Variants in UVRAG observed in about 807,000 individuals in gnomAD.
UVRAG encodes the protein UV radiation resistance-associated gene protein.
In UVRAG, 19 loss-of-function variants were observed where a neutral mutation model predicts 78.0. The ratio of observed to expected loss-of-function variants is 0.24; its 90% CI spans 0.17 to 0.36. The LOEUF is 0.36. Ranked by LOEUF, UVRAG falls within the 10% of genes least tolerant of loss-of-function variation. The pLI is 1.00. For synonymous variants in UVRAG, 323 were observed against 324.6 expected (o/e 1.00, Z 0.05); for missense variants, 740 against 853.8 (o/e 0.87, Z 1.66).
chr11:75,839,862 TAG>T (rs1555071898), intron 1 of UVRAG, among the ~76,000 whole-genome samples: 13 of 148,772 alleles, frequency 8.7e-5, no homozygotes, highest in Admixed American at 1.3e-4. Flanking sequence ...CATATATATA[TAG>T]AGAGAGAGAG....
chr11:75,894,246 C>T (rs370022899), intron 5 of UVRAG, among the ~76,000 whole-genome samples: 1 of 151,840 alleles, frequency 6.6e-6, no homozygotes, highest in African/African-American at 2.4e-5. Flanking sequence ...TGGTGAGCAA[C>T]GTGGAAAAAG....
intron 14 of UVRAG, among the ~76,000 whole-genome samples, chr11:76,136,285 G>A (rs1422702343): frequency 6.6e-6 from 1 of 151,982 alleles, no homozygotes; most frequent in Non-Finnish European, 1.5e-5. Context: ...TATGCATTAT[G>A]TTTTTATACG....
chr11:75,815,582 C>A, intron 1 of UVRAG, 58 bp downstream of exon 1: 1 of 1,105,888 alleles, frequency 9.0e-7, no homozygotes, highest in Non-Finnish European at 1.1e-6. Flanking sequence ...GCGTGGAGAG[C>A]TTGCTGGCTC....
chr11:75,984,594 C>T (rs763350985), intron 8 of UVRAG, among the ~76,000 whole-genome samples: 2 of 152,090 alleles, frequency 1.3e-5, no homozygotes, highest in African/African-American at 2.4e-5. Flanking sequence ...GCAAACATAC[C>T]CATGTGAGCA....
At chr11:75,945,294 G>T (rs758950574) in intron 6 of UVRAG, among the ~76,000 whole-genome samples, 11 of 152,030 alleles carry the variant, frequency 7.2e-5, no homozygotes, top group Non-Finnish European at 1.0e-4. Context: ...GTCTGTTACT[G>T]AAGGCCTCTA....
At chr11:75,878,715 G>C (rs890505297) in intron 3 of UVRAG, among the ~76,000 whole-genome samples, 21 of 152,308 alleles carry the variant, frequency 1.4e-4, no homozygotes, top group African/African-American at 4.3e-4. Context: ...ATGAAAACCA[G>C]TCAGGCGTGG....
At chr11:75,994,574 A>G (rs1314583605) in intron 8 of UVRAG, among the ~76,000 whole-genome samples, 5 of 152,216 alleles carry the variant, frequency 3.3e-5, no homozygotes, top group Admixed American at 1.3e-4. Flanking sequence ...AACATGCCAG[A>G]TATTTTAGTT....
intron 13 of UVRAG, among the ~76,000 whole-genome samples, chr11:76,066,462 GT>G (rs1379934865): frequency 6.6e-6 from 1 of 151,994 alleles, no homozygotes; most frequent in Middle Eastern, 3.2e-3. Flanking sequence ...AACTTCCTTT[GT>G]TTTTTATTTT....
chr11:75,860,551 T>C (rs1204100362), intron 2 of UVRAG, among the ~76,000 whole-genome samples: 2 of 152,228 alleles, frequency 1.3e-5, no homozygotes, highest in Non-Finnish European at 2.9e-5. Flanking sequence ...TTAGGATATA[T>C]GTATATGTAT....
chr11:76,066,057 C>G (rs967472645), intron 13 of UVRAG, among the ~76,000 whole-genome samples: 10 of 152,174 alleles, frequency 6.6e-5, no homozygotes, highest in Non-Finnish European at 1.5e-5. Flanking sequence ...GTAGACTATA[C>G]TTCGATGTGT....
In UVRAG at chr11:76,038,422, G is replaced by A. The variant is rs565007900; in HGVS notation, c.1226+21442G>A. On this transcript the variant is annotated intron_variant, in intron 12 of 14. Coordinates refer to ENST00000356136, the MANE Select transcript of UVRAG (RefSeq NM_003369.4). ...AACAACAGACATAACTATTTACATA[G>A]CATTTGCATTGTATTAGGTATTATA... is the stretch of plus-strand genomic sequence containing the variant. 9.9e-5 allele frequency among the ~76,000 whole-genome samples: 15 copies of A among 152,126 alleles called. No individual in the cohort carries two copies. The Middle Eastern group carries it at 0.01, about 103-fold the overall frequency.
intron 14 of UVRAG, among the ~76,000 whole-genome samples, chr11:76,132,100 A>G (rs1415617276): frequency 6.6e-6 from 1 of 152,246 alleles, no homozygotes; most frequent in African/African-American, 2.4e-5. Context: ...TTATTTAAGC[A>G]GTAATCTTTA....
chr11:76,072,716 G>A (rs1174563100), intron 13 of UVRAG, among the ~76,000 whole-genome samples: 2 of 152,216 alleles, frequency 1.3e-5, no homozygotes, highest in Non-Finnish European at 2.9e-5. Context: ...TTTGAATACA[G>A]TGAAGAGAGC....
chr11:75,897,565 C>T (rs1231642751), intron 5 of UVRAG, among the ~76,000 whole-genome samples: 1 of 152,128 alleles, frequency 6.6e-6, no homozygotes, highest in Non-Finnish European at 1.5e-5. Context: ...CATTCTGTCA[C>T]CCAGGCTGGA....
intron 11 of UVRAG, among the ~76,000 whole-genome samples, chr11:76,014,655 A>C (rs1950116021): frequency 6.6e-6 from 1 of 152,200 alleles, no homozygotes; most frequent in South Asian, 2.1e-4. Flanking sequence ...TTGTGGACAC[A>C]ATTCTTTCAG....
At chr11:75,861,098 G>A (rs1250328023) in intron 2 of UVRAG, among the ~76,000 whole-genome samples, 2 of 152,110 alleles carry the variant, frequency 1.3e-5, no homozygotes, top group Non-Finnish European at 2.9e-5. Context: ...TTTGAGTTTT[G>A]TGACCTTTTC....
intron 14 of UVRAG, among the ~76,000 whole-genome samples, chr11:76,133,869 G>A (rs1591272064): frequency 1.3e-5 from 2 of 150,902 alleles, no homozygotes; most frequent in South Asian, 4.2e-4. Flanking sequence ...CTAAGATTGT[G>A]TTTCACATTG....
At chr11:75,982,841 A>C (rs7110016) in intron 7 of UVRAG, among the ~76,000 whole-genome samples, 14,884 of 152,152 alleles carry the variant, frequency 0.098, 1,670 homozygotes, top group African/African-American at 0.28. Flanking sequence ...GTCATTACTT[A>C]ATTTCTTTTT....
chr11:76,065,574 C>T, intron 12 of UVRAG, 136 bp from the exon 13 acceptor site: 1 of 644,062 alleles, frequency 1.6e-6, no homozygotes, highest in Non-Finnish European at 2.7e-6. Flanking sequence ...CAGTAGATTG[C>T]AATGACTATA....
Sources: allele counts gnomAD v4.1 joint callset (sites outside exome capture counted in the v4.1 genomes callset), GRCh38; gene constraint gnomAD v4.1.1; transcripts MANE v1.5; gene names NCBI Gene and HGNC (gene_info 2026-07-23, HGNC 2026-07-21).